WARS2: variants seen among roughly 807,000 people sequenced by gnomAD.
The protein encoded by WARS2 is tryptophan--tRNA ligase, mitochondrial.
Under a neutral mutation model 36.5 loss-of-function variants are expected in WARS2, and 28 were observed. The ratio of observed to expected loss-of-function variants is 0.77; its 90% CI spans 0.57 to 1.05. The LOEUF is 1.05. WARS2 is among the 50% of genes least tolerant of loss of function. WARS2 has a pLI of 0.00. For missense variants in WARS2, 435 were observed against 456.8 expected (o/e 0.95, Z 0.44); for synonymous variants, 174 against 178.4 (o/e 0.98, Z 0.20).
At chr1:119,114,964 A>G (rs1654869380) in intron 1 of WARS2, among the ~76,000 whole-genome samples, 1 of 152,126 alleles carries the variant, frequency 6.6e-6, no homozygotes, top group African/African-American at 2.4e-5. Flanking sequence ...TCCCATCCAC[A>G]TTTTAAAATA....
intron 1 of WARS2, among the ~76,000 whole-genome samples, chr1:119,098,028 A>G (rs1653567717): frequency 6.6e-6 from 1 of 152,132 alleles, no homozygotes; most frequent in African/African-American, 2.4e-5. Flanking sequence ...AGGCGGGCAT[A>G]TCACAAGGTC....
At chr1:119,123,232 G>A (rs1378715884) in intron 1 of WARS2, among the ~76,000 whole-genome samples, 1 of 152,170 alleles carries the variant, frequency 6.6e-6, no homozygotes, top group Non-Finnish European at 1.5e-5. Context: ...AGCTCTACTG[G>A]GAAAACTCTG....
At chr1:119,106,903 T>C (rs1278438601) in intron 1 of WARS2, among the ~76,000 whole-genome samples, 2 of 152,222 alleles carry the variant, frequency 1.3e-5, no homozygotes, top group Non-Finnish European at 2.9e-5. Context: ...CCAAGGTGTC[T>C]GTACTATTTT....
intron 2 of WARS2, among the ~76,000 whole-genome samples, chr1:119,065,634 CAAAA>C (rs55857499): frequency 5.5e-5 from 5 of 91,420 alleles, no homozygotes; most frequent in East Asian, 3.9e-4. Context: ...GACTCTGTCT[CAAAA>C]AAAAAAAAAA....
chr1:119,120,071 TA>T (rs1260273356), intron 1 of WARS2, among the ~76,000 whole-genome samples: 2 of 152,046 alleles, frequency 1.3e-5, no homozygotes, highest in East Asian at 3.9e-4. Flanking sequence ...AGAGCAGAAC[TA>T]AATGAAATTG....
intron 1 of WARS2, chr1:119,082,390 G>A (rs1652266360): frequency 3.0e-6 from 3 of 985,324 alleles, no homozygotes; most frequent in Non-Finnish European, 3.6e-6. Context: ...TTTCCTTCTT[G>A]TGATGAAATT....
intron 5 of WARS2, 137 bp downstream of exon 5, chr1:119,033,958 G>T: frequency 1.6e-6 from 1 of 622,190 alleles, no homozygotes; most frequent in South Asian, 2.3e-5. Flanking sequence ...AGAAAACAAT[G>T]AGGACTCTAG....
At chr1:119,044,791 AG>A (rs1349075487) in intron 3 of WARS2, among the ~76,000 whole-genome samples, 1 of 152,188 alleles carries the variant, frequency 6.6e-6, no homozygotes, top group African/African-American at 2.4e-5. Context: ...CACCTCACAA[AG>A]GCCCTACCTC....
At chr1:119,106,003 T>A (rs1443797478) in intron 1 of WARS2, among the ~76,000 whole-genome samples, 1 of 152,152 alleles carries the variant, frequency 6.6e-6, no homozygotes, top group African/African-American at 2.4e-5. Context: ...TATTGACTAT[T>A]GGATTTGGCA....
intron 1 of WARS2, among the ~76,000 whole-genome samples, chr1:119,104,612 T>A (rs1654103875): frequency 7.2e-6 from 1 of 139,006 alleles, no homozygotes. Flanking sequence ...AGAATGTGAT[T>A]AGTGCCATGA....
chr1:119,111,519 T>C (rs866455097), intron 1 of WARS2, among the ~76,000 whole-genome samples: 1 of 152,170 alleles, frequency 6.6e-6, no homozygotes, highest in Non-Finnish European at 1.5e-5. Flanking sequence ...TCTGAGGCCT[T>C]GTTAAAAAGA....
chr1:119,065,062 A>AT (rs760509374), intron 2 of WARS2, among the ~76,000 whole-genome samples: 2 of 152,190 alleles, frequency 1.3e-5, no homozygotes, highest in Non-Finnish European at 2.9e-5. Flanking sequence ...TTAGAAATCA[A>AT]TTTTTTAAAA....
At chr1:119,035,345 A>G (rs1647786485) in intron 4 of WARS2, among the ~76,000 whole-genome samples, 1 of 152,178 alleles carries the variant, frequency 6.6e-6, no homozygotes, top group South Asian at 2.1e-4. Context: ...CTGTGAAAAA[A>G]GCAGCGAGCC....
At position 119,082,561 on chromosome 1, in the gene WARS2, TG is replaced by T. The variant is rs143032704; in HGVS notation, c.91-5955del. The stretch of plus-strand genomic sequence containing the variant: ...AGATCTGGATCTGAGCTCTTGCCAC[TG>T]GACTCCAAATTCTATATTCCTTCCA... On this transcript the variant is annotated intron_variant, in intron 1 of 5. Coordinates refer to ENST00000235521, the MANE Select transcript of WARS2 (RefSeq NM_015836.4). The T allele has an allele frequency of 4.0e-3, 2,063 of 510,470 alleles. 29 individuals carry two copies. In the East Asian group the frequency reaches 0.051, roughly 13 times the overall value. The allele number at this position is 510,470 out of a possible 1,614,324, so 31.6% of individuals were successfully genotyped here.
chr1:119,063,000 G>A (rs2101225048), intron 2 of WARS2: 1 of 152,488 alleles, frequency 6.6e-6, no homozygotes, highest in Non-Finnish European at 1.5e-5. Flanking sequence ...CAGTTTGGAG[G>A]GCTCAGAAGA....
At chr1:119,088,037 C>T (rs587673688) in intron 1 of WARS2, among the ~76,000 whole-genome samples, 21 of 152,268 alleles carry the variant, frequency 1.4e-4, no homozygotes, top group East Asian at 5.8e-4. Context: ...AAAATTTATG[C>T]GGCCCGGGCT....
intron 2 of WARS2, among the ~76,000 whole-genome samples, chr1:119,065,917 ACC>A (rs1650804240): frequency 6.6e-6 from 1 of 152,182 alleles, no homozygotes; most frequent in Non-Finnish European, 1.5e-5. Context: ...TGTGGTATTA[ACC>A]AATGTGATTT....
At chr1:119,100,025 G>A (rs1653744377) in intron 1 of WARS2, among the ~76,000 whole-genome samples, 1 of 152,118 alleles carries the variant, frequency 6.6e-6, no homozygotes, top group Non-Finnish European at 1.5e-5. Flanking sequence ...CTGTTGAATG[G>A]GAGAAGATAG....
chr1:119,090,360 C>T (rs587651039), intron 1 of WARS2, among the ~76,000 whole-genome samples: 2 of 152,178 alleles, frequency 1.3e-5, no homozygotes, highest in East Asian at 3.9e-4. Context: ...GTACAAATCA[C>T]GGAACTTCCT....
Sources: gnomAD v4.1 joint callset for allele counts (sites outside exome capture counted in the v4.1 genomes callset) on GRCh38, gnomAD v4.1.1 for gene constraint, MANE v1.5 for transcripts, NCBI Gene and HGNC (gene_info 2026-07-23, HGNC 2026-07-21) for gene names.